CLASP1: variants seen among roughly 807,000 people sequenced by gnomAD.
The protein encoded by CLASP1 is CLIP-associating protein 1.
In CLASP1, 38 loss-of-function variants were observed where a neutral mutation model predicts 192.3. The observed-to-expected ratio is 0.20, with a 90% confidence interval of 0.15 to 0.26. CLASP1 has a LOEUF of 0.26. CLASP1 is among the 10% of genes least tolerant of loss of function. The probability of loss-of-function intolerance (pLI) is 1.00; values close to 1 mark genes in which losing one functional copy is unlikely to be tolerated. For synonymous variants in CLASP1, 691 were observed against 712.8 expected (o/e 0.97, Z 0.49); for missense variants, 1,433 against 1,932.5 (o/e 0.74, Z 4.85).
At position 121,430,890 on chromosome 2, in the gene CLASP1, T is replaced by C. The variant is rs1309779995; in HGVS notation, c.1913-713A>G. On this transcript the variant is annotated intron_variant, in intron 19 of 39. Coordinates refer to ENST00000263710, the Ensembl canonical transcript of CLASP1. ...AGTTATGAAAAAATTACAGCAATTATTGAACCACGAAGCCATAAAAATAAA... is the reference window on the plus strand; with the variant it reads ...AGTTATGAAAAAATTACAGCAATTACTGAACCACGAAGCCATAAAAATAAA... Among the ~76,000 whole-genome samples the C allele has an allele frequency of 4.0e-5, 6 of 151,658 alleles. No individual in the cohort carries two copies. The East Asian group carries it at 9.6e-4, about 24-fold the overall frequency.
chr2:121,370,869 T>C (rs1311186456), intron 34 of CLASP1, among the ~76,000 whole-genome samples: 1 of 152,120 alleles, frequency 6.6e-6, no homozygotes, highest in African/African-American at 2.4e-5. Flanking sequence ...CACAGTATTT[T>C]TACACTTGAC....
chr2:121,647,654 C>A (rs951151927), intron 1 of CLASP1, among the ~76,000 whole-genome samples: 13 of 152,192 alleles, frequency 8.5e-5, no homozygotes, highest in Admixed American at 6.5e-4. Flanking sequence ...AAAGTGGAAT[C>A]TGTGGGTTAA....
intron 2 of CLASP1, among the ~76,000 whole-genome samples, chr2:121,586,276 G>T (rs1013802397): frequency 6.6e-6 from 1 of 151,930 alleles, no homozygotes; most frequent in East Asian, 1.9e-4. Context: ...CCAGGCACAC[G>T]CCACCACGCC....
At chr2:121,382,116 G>A in intron 33 of CLASP1, 92 bp downstream of exon 34, 1 of 934,354 alleles carries the variant, frequency 1.1e-6, no homozygotes, top group Non-Finnish European at 1.7e-6. Flanking sequence ...CACACTGGAG[G>A]CAGCTTAGAG....
intron 34 of CLASP1, among the ~76,000 whole-genome samples, chr2:121,368,080 T>C (rs2067791587): frequency 6.6e-6 from 1 of 152,196 alleles, no homozygotes; most frequent in Non-Finnish European, 1.5e-5. Flanking sequence ...AATTTGATGA[T>C]CCACTTTACC....
In CLASP1 at chr2:121,592,007, CAG is replaced by C. The variant is rs144469157; in HGVS notation, c.195+13692_195+13693del. On this transcript the variant is annotated intron_variant, in intron 2 of 39. Transcript: ENST00000263710. ...GGATTTCTTACCATGGTCCTTGTCA[CAG>C]ACTCTCCCTCTACCTAACCTGTTCA... 3.2e-3 allele frequency among the ~76,000 whole-genome samples: 489 copies of C among 152,354 alleles called. 2 individuals are homozygous for C. Among genetic ancestry groups the C allele is most frequent in the Non-Finnish European group, 5.5e-3 (376 of 68,042 alleles).
At chr2:121,423,339 T>G (rs12711552) in intron 22 of CLASP1, among the ~76,000 whole-genome samples, 22,677 of 152,114 alleles carry the variant, frequency 0.15, 2,602 homozygotes, top group African/African-American at 0.31. Flanking sequence ...AATAACTGTT[T>G]TAAAAACATA....
At chr2:121,526,800 A>G (rs1207010009) in intron 5 of CLASP1, among the ~76,000 whole-genome samples, 1 of 152,206 alleles carries the variant, frequency 6.6e-6, no homozygotes, top group Non-Finnish European at 1.5e-5. Flanking sequence ...TTTATGATAT[A>G]TACAGTATTT....
At chr2:121,532,881 A>G (rs1559544081) in intron 2 of CLASP1, among the ~76,000 whole-genome samples, 1 of 152,192 alleles carries the variant, frequency 6.6e-6, no homozygotes, top group African/African-American at 2.4e-5. Context: ...AAAAAAGTTT[A>G]TTTTTTAAAA....
At chr2:121,343,287 T>C (rs1179503721) in intron 39 of CLASP1, among the ~76,000 whole-genome samples, 1 of 152,120 alleles carries the variant, frequency 6.6e-6, no homozygotes, top group Non-Finnish European at 1.5e-5. Flanking sequence ...TTGTGCACTG[T>C]TGGTCAGAAC....
At chr2:121,407,486 C>T in exon 25 of CLASP1, 1 of 1,613,966 alleles carries the variant, frequency 6.2e-7, no homozygotes, top group Non-Finnish European at 8.5e-7. Context: ...TGTTCTTTGG[C>T]TCTTCAGTAA....
chr2:121,648,429 C>T (rs1002244002), intron 1 of CLASP1, among the ~76,000 whole-genome samples: 17 of 152,270 alleles, frequency 1.1e-4, no homozygotes, highest in African/African-American at 3.9e-4. Flanking sequence ...AATGAACGCA[C>T]CCCACTACAC....
intron 35 of CLASP1, among the ~76,000 whole-genome samples, chr2:121,367,079 C>CGGAGGT (rs1451706247): frequency 6.6e-6 from 1 of 152,196 alleles, no homozygotes; most frequent in Non-Finnish European, 1.5e-5. Flanking sequence ...AAATGCAGCA[C>CGGAGGT]GGAGGTCAAC....
chr2:121,544,628 A>G (rs1280332110), intron 2 of CLASP1, among the ~76,000 whole-genome samples: 3 of 152,178 alleles, frequency 2.0e-5, no homozygotes, highest in African/African-American at 7.2e-5. Flanking sequence ...ACTTGATCAA[A>G]TATCAATCAA....
chr2:121,528,022 C>G (rs962493535), intron 4 of CLASP1, 132 bp from the exon 5 acceptor site: 2 of 620,334 alleles, frequency 3.2e-6, no homozygotes, highest in African/African-American at 3.7e-5. Context: ...ATTTAATCCT[C>G]TCGAGAGCAT....
intron 32 of CLASP1, among the ~76,000 whole-genome samples, chr2:121,386,535 A>C (rs1016675210): frequency 7.2e-5 from 11 of 152,196 alleles, no homozygotes; most frequent in African/African-American, 2.7e-4. Context: ...TCCCAAGACA[A>C]AGCAGTTTCT....
chr2:121,554,250 AAAG>A (rs933054278), intron 2 of CLASP1, among the ~76,000 whole-genome samples: 1 of 151,980 alleles, frequency 6.6e-6, no homozygotes, highest in African/African-American at 2.4e-5. Flanking sequence ...TAACAACAAT[AAAG>A]AAGAACAAAC....
At chr2:121,434,762 G>A (rs2082020901) in intron 19 of CLASP1, among the ~76,000 whole-genome samples, 1 of 152,124 alleles carries the variant, frequency 6.6e-6, no homozygotes, top group African/African-American at 2.4e-5. Context: ...GGCTGAGGCA[G>A]GTGGATTACT....
chr2:121,538,112 G>T (rs1379323213), intron 2 of CLASP1, among the ~76,000 whole-genome samples: 1 of 151,796 alleles, frequency 6.6e-6, no homozygotes, highest in East Asian at 1.9e-4. Context: ...ACTAATTTTG[G>T]CAAGAAAAAA....
Sources: allele counts gnomAD v4.1 joint callset (sites outside exome capture counted in the v4.1 genomes callset), GRCh38; gene constraint gnomAD v4.1.1; transcripts MANE v1.5; gene names NCBI Gene and HGNC (gene_info 2026-07-23, HGNC 2026-07-21).